Variants in TMEM97 observed in about 807,000 individuals in gnomAD.
TMEM97 encodes the protein sigma intracellular receptor 2.
TMEM97 carries 13 observed loss-of-function variants against 18.3 expected under a neutral mutation model. The ratio of observed to expected loss-of-function variants is 0.71; its 90% CI spans 0.46 to 1.13. The LOEUF (loss-of-function observed/expected upper bound fraction) is 1.13, where lower values mean the gene tolerates loss of function less well. TMEM97 is among the 50% of genes most tolerant of loss of function. The pLI is 0.00. For missense variants in TMEM97, 205 were observed against 210.5 expected (o/e 0.97, Z 0.16); for synonymous variants, 76 against 85.3 (o/e 0.89, Z 0.60).
At chr17:28,321,532 C>T (rs1906140522) in intron 1 of TMEM97, among the ~76,000 whole-genome samples, 1 of 152,162 alleles carries the variant, frequency 6.6e-6, no homozygotes, top group South Asian at 2.1e-4. Context: ...TGAACCTGAG[C>T]ACAAGAGATC....
intron 1 of TMEM97, among the ~76,000 whole-genome samples, chr17:28,323,132 C>T (rs1020026877): frequency 3.9e-5 from 6 of 152,100 alleles, no homozygotes; most frequent in East Asian, 1.9e-4. Flanking sequence ...AGGTCCTACA[C>T]GCCTCACCCA....
rs376550863 is a variant in TMEM97 at position 28,326,626 on chromosome 17, G to A, written c.364G>A (p.Asp122Asn). The change falls in exon 3 of 3, where the codon GAT becomes AAT. Residue 122 changes from aspartate (D) to asparagine (N), a missense_variant. Transcript: ENST00000226230. ...IPILSTFLFE[D>N]FSKASGFKGQ... ...GATACTCTCCACATTTCTGTTTGAGGATTTCTCCAAAGCCAGTGGTTTCAA... is the reference window on the plus strand; with the variant it reads ...GATACTCTCCACATTTCTGTTTGAGAATTTCTCCAAAGCCAGTGGTTTCAA... The A allele has an allele frequency of 9.9e-6, 16 of 1,614,054 alleles. No homozygotes were observed. In the African/African-American group the frequency reaches 2.0e-4, roughly 20 times the overall value.
Position 28,327,111 on chromosome 17 carries a change from A to G in TMEM97, c.*318A>G, listed in dbSNP as rs1906385329. On this transcript the variant is annotated 3_prime_UTR_variant, in exon 3 of 3. Transcript: ENST00000226230. ...CAAGTAGCTAGAACTACAGGTGTGTACCAACACGTATGGCTAATTTGTTTT... is the reference window on the plus strand; with the variant it reads ...CAAGTAGCTAGAACTACAGGTGTGTGCCAACACGTATGGCTAATTTGTTTT... 3.4e-6 allele frequency: 1 copy of G among 295,540 alleles called. No homozygotes were observed. Among genetic ancestry groups the G allele is most frequent in the Non-Finnish European group, 6.4e-6 (1 of 155,336 alleles). The allele number at this position is 295,540 out of a possible 1,614,324, so 18.3% of individuals were successfully genotyped here. A position where few individuals can be genotyped will look rare whatever the true frequency, so the allele number is the denominator to read the frequency against.
At chr17:28,320,259 G>A (rs1555574804) in intron 1 of TMEM97, among the ~76,000 whole-genome samples, 1 of 152,090 alleles carries the variant, frequency 6.6e-6, no homozygotes, top group East Asian at 1.9e-4. Context: ...TTACCTGAGG[G>A]TCATGAACTC....
intron 2 of TMEM97, among the ~76,000 whole-genome samples, chr17:28,326,235 G>A (rs1252783641): frequency 6.6e-6 from 1 of 152,196 alleles, no homozygotes; most frequent in Non-Finnish European, 1.5e-5. Flanking sequence ...ATGGGGCAGG[G>A]ATTTCCCTCC....
At chr17:28,324,816 G>A (rs1555575252) in intron 1 of TMEM97, 1 of 152,224 alleles carries the variant, frequency 6.6e-6, no homozygotes, top group East Asian at 1.9e-4. Flanking sequence ...TTGGGGCAGA[G>A]TTTGTTCTTC....
chr17:28,326,876 C>T lies in TMEM97; in HGVS notation c.*83C>T. 2 of 1,480,398 alleles carry T rather than the reference C, an allele frequency of 1.4e-6. No individual in the cohort carries two copies. Among genetic ancestry groups the T allele is most frequent in the Non-Finnish European group, 1.8e-6 (2 of 1,106,960 alleles). The allele number at this position is 1,480,398 out of a possible 1,614,324, so 91.7% of individuals were successfully genotyped here. ...CAATACAAGGAACACTGCTCAGAAC[C>T]CACGTCTTCAGCAGCATTTGAAACA... On this transcript the variant is annotated 3_prime_UTR_variant, in exon 3 of 3. Transcript: ENST00000226230.
At chr17:28,321,179 G>A (rs1906128330) in intron 1 of TMEM97, among the ~76,000 whole-genome samples, 1 of 152,184 alleles carries the variant, frequency 6.6e-6, no homozygotes. Context: ...CCTATCTGTG[G>A]TTTTTGAAAC....
chr17:28,324,775 A>G (rs1037494504), intron 1 of TMEM97: 1 of 152,238 alleles, frequency 6.6e-6, no homozygotes, highest in African/African-American at 2.4e-5. Context: ...AAAACCCTGC[A>G]TAACCAAGAA....
At position 28,319,234 on chromosome 17, in the gene TMEM97, C is replaced by G; in HGVS notation, c.-6C>G. On this transcript the variant is annotated 5_prime_UTR_variant, in exon 1 of 3. Coordinates refer to ENST00000226230, the MANE Select transcript of TMEM97 (RefSeq NM_014573.3). ...CATCAGCGGGTCCAGGCCCAACCGA[C>G]AGACTATGGGGGCTCCGGCAACCAG... The G allele has an allele frequency of 6.2e-7, 1 of 1,602,380 alleles. No homozygotes were observed. The highest frequency in any genetic ancestry group is 8.5e-7 in the Non-Finnish European group (1 of 1,174,046).
chr17:28,319,525 T>C (rs1906059045), intron 1 of TMEM97, 160 bp downstream of exon 1: 1 of 890,742 alleles, frequency 1.1e-6, no homozygotes, highest in South Asian at 2.2e-5. Flanking sequence ...GTTCGGTGTT[T>C]TCCTCGGGCT....
At chr17:28,322,310 T>G (rs1252251788) in intron 1 of TMEM97, among the ~76,000 whole-genome samples, 2 of 151,980 alleles carry the variant, frequency 1.3e-5, no homozygotes, top group African/African-American at 4.8e-5. Flanking sequence ...AGTGGTGCAA[T>G]CTCGGCTCAC....
chr17:28,325,681 C>T, intron 2 of TMEM97, 34 bp downstream of exon 2: 1 of 1,613,134 alleles, frequency 6.2e-7, no homozygotes, highest in Non-Finnish European at 8.5e-7. Context: ...CATTTTTACT[C>T]AGAAATCAGG....
At chr17:28,325,387 G>A in intron 1 of TMEM97, 116 bp from the exon 2 acceptor site, 1 of 1,343,894 alleles carries the variant, frequency 7.4e-7, no homozygotes. Context: ...CTGCTGCCGG[G>A]GTAGTGGGGG....
Position 28,326,571 on chromosome 17 carries a change from C to T in TMEM97, c.309C>T (p.Tyr103=). The T allele has an allele frequency of 6.2e-7, 1 of 1,614,162 alleles. No homozygotes were observed. The highest frequency in any genetic ancestry group is 8.5e-7 in the Non-Finnish European group (1 of 1,180,040). Residue 103 remains tyrosine, a synonymous_variant, in exon 3 of 3, where the codon TAC becomes TAT. Coordinates refer to ENST00000226230, the MANE Select transcript of TMEM97 (RefSeq NM_014573.3). ...CKWIRTPAII[Y]SVHTMTTLIP... ...GGATTCGAACTCCTGCAATCATCTA[C>T]TCTGTTCACACCATGACAACCTTAA... is the stretch of plus-strand genomic sequence containing the variant.
In TMEM97 at chr17:28,326,614, T is replaced by C; in HGVS notation, c.352T>C (p.Phe118Leu). 6.2e-7 allele frequency: 1 copy of C among 1,614,196 alleles called. No homozygotes were observed. Among genetic ancestry groups the C allele is most frequent in the Non-Finnish European group, 8.5e-7 (1 of 1,180,024 alleles). ...AACCTTAATTCCGATACTCTCCACA[T>C]TTCTGTTTGAGGATTTCTCCAAAGC... ...MTTLIPILST[F>L]LFEDFSKASG... The change falls in exon 3 of 3, where the codon TTT (phenylalanine) becomes CTT (leucine). Residue 118 changes from phenylalanine (F) to leucine (L), a missense_variant. Phe to Leu is a conservative substitution (Grantham distance 22, BLOSUM62 0). Coordinates refer to ENST00000226230, the MANE Select transcript of TMEM97 (RefSeq NM_014573.3).
chr17:28,327,137 G>T lies in TMEM97; in HGVS notation c.*344G>T, dbSNP rs548208727. ...CCAACACGTATGGCTAATTTGTTTT[G>T]TTTTTTTTGTGTGTGTGGAGACAGG... On this transcript the variant is annotated 3_prime_UTR_variant, in exon 3 of 3. Coordinates refer to ENST00000226230, the MANE Select transcript of TMEM97 (RefSeq NM_014573.3). The T allele has an allele frequency of 1.6e-4, 36 of 219,304 alleles. No homozygotes were observed. The highest frequency in any genetic ancestry group is 8.0e-4 in the African/African-American group (35 of 43,748). 13.6% of individuals were successfully genotyped at this position (219,304 alleles called of 1,614,324 possible).
intron 1 of TMEM97, among the ~76,000 whole-genome samples, chr17:28,322,284 G>A (rs782787315): frequency 4.8e-5 from 7 of 146,714 alleles, no homozygotes; most frequent in South Asian, 2.2e-4. Context: ...GTCTCTTGTC[G>A]CCCAGGCTGT....
Position 28,319,371 on chromosome 17 carries a change from G to C in TMEM97, c.126+6G>C, listed in dbSNP as rs1555574680. ...GCGAGCTCTACCCAGTCGAGGTGAGGGGCGCCCCTCTTATCCCGGCCCGCT... is the reference window on the plus strand; with the variant it reads ...GCGAGCTCTACCCAGTCGAGGTGAGCGGCGCCCCTCTTATCCCGGCCCGCT... On this transcript the variant is annotated splice_donor_region_variant and intron_variant, in intron 1 of 2. Coordinates refer to ENST00000226230, the MANE Select transcript of TMEM97 (RefSeq NM_014573.3). 3.8e-6 allele frequency: 6 copies of C among 1,581,284 alleles called. No individual in the cohort carries two copies. The highest frequency in any genetic ancestry group is 3.4e-5 in the South Asian group (3 of 88,282).
Sources: gnomAD v4.1 joint callset for allele counts (sites outside exome capture counted in the v4.1 genomes callset) on GRCh38, gnomAD v4.1.1 for gene constraint, MANE v1.5 for transcripts, NCBI Gene and HGNC (gene_info 2026-07-23, HGNC 2026-07-21) for gene names.